Variants in IL1RAPL1 observed in about 807,000 individuals in gnomAD.
The protein encoded by IL1RAPL1 is interleukin-1 receptor accessory protein-like 1.
Under a neutral mutation model 48.4 loss-of-function variants are expected in IL1RAPL1, and 3 were observed. The ratio of observed to expected loss-of-function variants is 0.06; its 90% CI spans 0.03 to 0.16. The LOEUF is 0.16. Among genes scored for constraint, IL1RAPL1 ranks in the 10% least tolerant of loss-of-function variants. The pLI, the probability that IL1RAPL1 is intolerant of heterozygous loss-of-function variation, is 1.00. For missense variants in IL1RAPL1, 349 were observed against 530.6 expected, an observed-to-expected ratio of 0.66 and a Z score of 3.36; for synonymous variants, 185 against 187.7, an observed-to-expected ratio of 0.99 and a Z score of 0.12.
chrX:29,925,490 C>G (rs1292987370), intron 8 of IL1RAPL1, among the ~76,000 whole-genome samples: 1 of 80,738 alleles, frequency 1.2e-5, no homozygotes, highest in Admixed American at 1.8e-4. Flanking sequence ...CGTCTAATAG[C>G]ACAAATTATC....
intron 6 of IL1RAPL1, among the ~76,000 whole-genome samples, chrX:29,680,668 C>T (rs1489944893): frequency 2.7e-5 from 3 of 112,003 alleles, no homozygotes; most frequent in South Asian, 7.5e-4. Flanking sequence ...TTTAACATCC[C>T]TGGTTAATCC....
intron 6 of IL1RAPL1, among the ~76,000 whole-genome samples, chrX:29,873,739 G>A (rs1011258729): frequency 2.7e-5 from 3 of 111,907 alleles, no homozygotes; most frequent in Non-Finnish European, 5.6e-5. Flanking sequence ...TAGAGTCTGT[G>A]TATGTGCATG....
chrX:29,651,026 T>G (rs1925501169), intron 5 of IL1RAPL1, among the ~76,000 whole-genome samples: 1 of 110,129 alleles, frequency 9.1e-6, no homozygotes, highest in East Asian at 2.8e-4. Flanking sequence ...TCAAAAAATG[T>G]TCACCATCAC....
intron 5 of IL1RAPL1, among the ~76,000 whole-genome samples, chrX:29,454,939 G>C (rs953448318): frequency 9.1e-6 from 1 of 110,453 alleles, no homozygotes; most frequent in Non-Finnish European, 1.9e-5. Context: ...GGTAGATCCC[G>C]AGTGCACAGG....
At chrX:28,808,055 A>G (rs974059145) in intron 2 of IL1RAPL1, among the ~76,000 whole-genome samples, 5 of 110,924 alleles carry the variant, frequency 4.5e-5, no homozygotes, top group African/African-American at 1.6e-4. Context: ...TCTGTGTCCA[A>G]GGCTACACTT....
chrX:28,819,748 G>A (rs1007790344), intron 2 of IL1RAPL1, among the ~76,000 whole-genome samples: 2 of 107,204 alleles, frequency 1.9e-5, no homozygotes, highest in African/African-American at 6.7e-5. Context: ...ACTTTTTAAG[G>A]ATAACTCCAG....
At chrX:29,263,079 T>C (rs1931889404) in intron 2 of IL1RAPL1, among the ~76,000 whole-genome samples, 1 of 111,911 alleles carries the variant, frequency 8.9e-6, no homozygotes, top group African/African-American at 3.2e-5. Context: ...GAAGTCATTG[T>C]CCCTTCTTCT....
At chrX:29,137,848 G>T (rs954356455) in intron 2 of IL1RAPL1, among the ~76,000 whole-genome samples, 4 of 112,529 alleles carry the variant, frequency 3.6e-5, no homozygotes, top group Non-Finnish European at 5.6e-5. Context: ...TAAAGTTGAT[G>T]TAATATGTGA....
chrX:28,669,385 G>A (rs1181068878), intron 1 of IL1RAPL1, among the ~76,000 whole-genome samples: 1 of 110,241 alleles, frequency 9.1e-6, no homozygotes, highest in Non-Finnish European at 1.9e-5. Context: ...TTGGGAAGCT[G>A]AGGCGGGTGG....
intron 5 of IL1RAPL1, among the ~76,000 whole-genome samples, chrX:29,567,922 A>G (rs920111064): frequency 9.0e-6 from 1 of 111,030 alleles, no homozygotes; most frequent in Non-Finnish European, 1.9e-5. Flanking sequence ...GGACAGAACC[A>G]GAAACTGGCT....
At chrX:29,407,032 G>T (rs1934081380) in intron 5 of IL1RAPL1, among the ~76,000 whole-genome samples, 1 of 111,943 alleles carries the variant, frequency 8.9e-6, no homozygotes, top group African/African-American at 3.2e-5. Flanking sequence ...TCTTTAGTGA[G>T]AGATTTTTAT....
intron 5 of IL1RAPL1, among the ~76,000 whole-genome samples, chrX:29,613,635 A>G (rs1351706288): frequency 1.8e-5 from 2 of 109,942 alleles, no homozygotes; most frequent in Non-Finnish European, 3.8e-5. Context: ...GATAAATGAT[A>G]GGACTGAAAG....
intron 2 of IL1RAPL1, among the ~76,000 whole-genome samples, chrX:29,000,179 C>T (rs1241719855): frequency 2.7e-5 from 3 of 111,379 alleles, no homozygotes; most frequent in Non-Finnish European, 5.7e-5. Context: ...TAATCTCCAT[C>T]CTCCGCCAAT....
chrX:29,628,445 A>G (rs941040217), intron 5 of IL1RAPL1, among the ~76,000 whole-genome samples: 1 of 111,724 alleles, frequency 9.0e-6, no homozygotes, highest in African/African-American at 3.3e-5. Context: ...GGTGCCCTTG[A>G]TAAGAAATCT....
intron 2 of IL1RAPL1, among the ~76,000 whole-genome samples, chrX:29,059,203 AT>A (rs59599473): frequency 9.1e-6 from 1 of 110,199 alleles, no homozygotes; most frequent in Non-Finnish European, 1.9e-5. Flanking sequence ...TGGAAAGTAG[AT>A]TTTTTTTTGC....
intron 2 of IL1RAPL1, among the ~76,000 whole-genome samples, chrX:29,080,921 A>ATT (rs1377530454): frequency 1.3e-5 from 1 of 74,277 alleles, no homozygotes; most frequent in Non-Finnish European, 2.6e-5. Flanking sequence ...TTTTTTAAAT[A>ATT]TTTTTTCTTT....
intron 2 of IL1RAPL1, among the ~76,000 whole-genome samples, chrX:28,812,279 T>A (rs1212313301): frequency 1.8e-5 from 2 of 110,905 alleles, no homozygotes; most frequent in Non-Finnish European, 3.8e-5. Context: ...AGAAAACAAA[T>A]AATTTAACCT....
intron 1 of IL1RAPL1, among the ~76,000 whole-genome samples, chrX:28,667,124 T>TA (rs1360071703): frequency 9.0e-6 from 1 of 111,544 alleles, no homozygotes; most frequent in Non-Finnish European, 1.9e-5. Context: ...GATGGTCATT[T>TA]AAAAAAAATT....
chrX:28,768,058 T>C lies in IL1RAPL1; in HGVS notation c.-24-21262T>C, dbSNP rs184041234. On this transcript the variant is annotated intron_variant, in intron 1 of 10. Coordinates refer to ENST00000378993, the MANE Select transcript of IL1RAPL1 (RefSeq NM_014271.4). The stretch of plus-strand genomic sequence containing the variant: ...TTTACGTGTTGTATTTATAAAGATA[T>C]AATGGGCTCTAATTTTTAGAGAGTC... Among the ~76,000 whole-genome samples the C allele has an allele frequency of 5.4e-5, 6 of 111,530 alleles. No homozygotes were observed. In the Admixed American group the frequency reaches 5.7e-4, roughly 11 times the overall value.
Sources: allele counts gnomAD v4.1 joint callset (sites outside exome capture counted in the v4.1 genomes callset), GRCh38; gene constraint gnomAD v4.1.1; transcripts MANE v1.5; gene names NCBI Gene and HGNC (gene_info 2026-07-23, HGNC 2026-07-21).